The following DDR2 variants were observed in gnomAD, a reference collection of about 807,000 sequenced individuals.
The protein encoded by DDR2 is discoidin domain receptor tyrosine kinase 2.
In DDR2, 27 loss-of-function variants were observed where a neutral mutation model predicts 94.9. That is an observed-to-expected ratio of 0.28 (90% confidence interval 0.21 to 0.39). The LOEUF (loss-of-function observed/expected upper bound fraction) is 0.39, where lower values mean the gene tolerates loss of function less well. Ranked by LOEUF, DDR2 falls within the 10% of genes least tolerant of loss-of-function variation. DDR2 has a pLI of 1.00. For missense variants in DDR2, 783 were observed against 1,076.0 expected, an observed-to-expected ratio of 0.73 and a Z score of 3.81; for synonymous variants, 382 against 377.2, an observed-to-expected ratio of 1.01 and a Z score of -0.15.
chr1:162,650,901 G>A (rs948095849), intron 1 of DDR2, among the ~76,000 whole-genome samples: 2 of 152,044 alleles, frequency 1.3e-5, no homozygotes, highest in Non-Finnish European at 2.9e-5. Flanking sequence ...GCTAATTTTT[G>A]TATTTTTAGT....
rs1647924737 is a variant in DDR2, at chr1:162,781,891, C to A, written c.*1645C>A. 1 of 152,356 alleles carries A rather than the reference C, an allele frequency of 6.6e-6. No homozygotes were observed. Among genetic ancestry groups the A allele is most frequent in the Non-Finnish European group, 1.5e-5 (1 of 68,034 alleles). 9.4% of individuals were successfully genotyped at this position (152,356 alleles called of 1,614,324 possible). A position where few individuals can be genotyped will look rare whatever the true frequency, so the allele number is the denominator to read the frequency against. Reference sequence around the variant, plus strand: ...TAGCCTTGACCCCTTGGGTCTGCCTCTGTTGCCCTCACCAGTTTACCTTCT... The same window carrying A: ...TAGCCTTGACCCCTTGGGTCTGCCTATGTTGCCCTCACCAGTTTACCTTCT... On this transcript the variant is annotated 3_prime_UTR_variant, in exon 18 of 18. Coordinates refer to ENST00000367921, the MANE Select transcript of DDR2 (RefSeq NM_006182.4).
At chr1:162,705,553 C>T (rs868840369) in intron 2 of DDR2, among the ~76,000 whole-genome samples, 1 of 152,188 alleles carries the variant, frequency 6.6e-6, no homozygotes, top group Admixed American at 6.5e-5. Context: ...TGTTGTGGTA[C>T]ACCCGCTGGA....
intron 3 of DDR2, among the ~76,000 whole-genome samples, chr1:162,733,481 C>T (rs1662155733): frequency 6.6e-6 from 1 of 152,128 alleles, no homozygotes; most frequent in Non-Finnish European, 1.5e-5. Context: ...TTCTCTAAGG[C>T]CCTTGGGCAT....
rs1369259198 is a variant in DDR2, at chr1:162,662,099, G to A, written c.-28+6725G>A. Reference sequence around the variant, plus strand: ...CTCCTGGAATTCCCTAAGATGCAGAGCTGATTAGCTTAGCTGGTCAGAATG... The same window carrying A: ...CTCCTGGAATTCCCTAAGATGCAGAACTGATTAGCTTAGCTGGTCAGAATG... On this transcript the variant is annotated intron_variant, in intron 2 of 17. Coordinates refer to ENST00000367921, the MANE Select transcript of DDR2 (RefSeq NM_006182.4). Among the ~76,000 whole-genome samples the A allele has an allele frequency of 3.9e-5, 6 of 152,298 alleles. No individual in the cohort carries two copies. The South Asian group carries it at 6.2e-4, about 16-fold the overall frequency.
chr1:162,756,813 C>T (rs187371602), intron 7 of DDR2, among the ~76,000 whole-genome samples: 9 of 152,134 alleles, frequency 5.9e-5, no homozygotes, highest in East Asian at 1.9e-4. Context: ...TTTGCTTAAA[C>T]GGTCTTGGCA....
chr1:162,777,836 G>A (rs1647668183), intron 16 of DDR2: 1 of 152,476 alleles, frequency 6.6e-6, no homozygotes, highest in Non-Finnish European at 1.5e-5. Context: ...TCCTCACTAA[G>A]TCTGGCATTA....
intron 1 of DDR2, among the ~76,000 whole-genome samples, chr1:162,639,435 T>G (rs1214033705): frequency 2.0e-5 from 3 of 152,188 alleles, no homozygotes; most frequent in Non-Finnish European, 4.4e-5. Flanking sequence ...GACATCCACA[T>G]GCAAAAATAA....
intron 1 of DDR2, among the ~76,000 whole-genome samples, chr1:162,638,925 G>A (rs1442849949): frequency 6.6e-6 from 1 of 151,776 alleles, no homozygotes; most frequent in African/African-American, 2.4e-5. Context: ...CTAGCAAGTT[G>A]TTTTGTGGAT....
At chr1:162,726,570 T>C (rs1231562089) in intron 3 of DDR2, among the ~76,000 whole-genome samples, 2 of 152,206 alleles carry the variant, frequency 1.3e-5, no homozygotes, top group Non-Finnish European at 2.9e-5. Flanking sequence ...CCACTTTTTT[T>C]CTGTTGTCAG....
At chr1:162,728,093 C>A (rs576687729) in intron 3 of DDR2, among the ~76,000 whole-genome samples, 1 of 133,750 alleles carries the variant, frequency 7.5e-6, no homozygotes, top group South Asian at 2.4e-4. Context: ...TAGATATAAT[C>A]ACACTATATA....
At chr1:162,732,472 C>A (rs1662100929) in intron 3 of DDR2, among the ~76,000 whole-genome samples, 1 of 152,166 alleles carries the variant, frequency 6.6e-6, no homozygotes, top group Non-Finnish European at 1.5e-5. Flanking sequence ...GAATTTCAGT[C>A]CTGGTTACCC....
At chr1:162,708,838 T>C (rs1660769128) in intron 2 of DDR2, among the ~76,000 whole-genome samples, 1 of 152,196 alleles carries the variant, frequency 6.6e-6, no homozygotes, top group South Asian at 2.1e-4. Flanking sequence ...TACTGAGTAC[T>C]TACTATATAG....
intron 5 of DDR2, 33 bp from the exon 6 acceptor site, chr1:162,755,123 C>T (rs1663395822): frequency 3.1e-6 from 5 of 1,613,564 alleles, no homozygotes; most frequent in Non-Finnish European, 4.2e-6. Context: ...GATTTAATAC[C>T]ACCTCTTCAC....
Position 162,783,354 on chromosome 1 carries a change from A to T in DDR2, c.*3108A>T, listed in dbSNP as rs1368055863. On this transcript the variant is annotated 3_prime_UTR_variant, in exon 18 of 18. Transcript: ENST00000367921. ...TTGTGGAAAGATCACTTGCAAGTAT[A>T]TAAGACTGTATAAAGAAGAGGACTG... 6.6e-6 allele frequency: 1 copy of T among 152,218 alleles called. No individual in the cohort carries two copies. The highest frequency in any genetic ancestry group is 1.9e-4 in the East Asian group (1 of 5,198). 9.4% of individuals were successfully genotyped at this position (152,218 alleles called of 1,614,324 possible).
intron 1 of DDR2, among the ~76,000 whole-genome samples, chr1:162,649,640 G>T (rs536105339): frequency 2.0e-5 from 3 of 152,362 alleles, no homozygotes; most frequent in African/African-American, 7.2e-5. Context: ...AGAGAGAGTA[G>T]AGCGGACAGT....
At chr1:162,697,024 C>T (rs908699487) in intron 2 of DDR2, among the ~76,000 whole-genome samples, 2 of 151,976 alleles carry the variant, frequency 1.3e-5, no homozygotes, top group African/African-American at 2.4e-5. Context: ...TGCTGAATTC[C>T]CCATTCTCAT....
rs1159978424 is a variant in DDR2 at position 162,781,550 on chromosome 1, C to G, written c.*1304C>G. ...ACACAAAGTGGATGGTGGTATGAGA[C>G]AATGTTTAATGTCCTTCTAACTCCG... On this transcript the variant is annotated 3_prime_UTR_variant, in exon 18 of 18. Coordinates refer to ENST00000367921, the MANE Select transcript of DDR2 (RefSeq NM_006182.4). 1.3e-5 allele frequency: 2 copies of G among 152,236 alleles called. No homozygotes were observed. Among genetic ancestry groups the G allele is most frequent in the African/African-American group, 4.8e-5 (2 of 41,440 alleles). 9.4% of individuals were successfully genotyped at this position (152,236 alleles called of 1,614,324 possible).
rs1395908440 is a variant in DDR2 at position 162,786,976 on chromosome 1, C to A, written c.*6730C>A. The A allele has an allele frequency of 6.6e-6, 1 of 151,894 alleles. No individual in the cohort carries two copies. Among genetic ancestry groups the A allele is most frequent in the East Asian group, 1.9e-4 (1 of 5,164 alleles). The allele number at this position is 151,894 out of a possible 1,614,324, so 9.4% of individuals were successfully genotyped here. The stretch of plus-strand genomic sequence containing the variant: ...CTGTCTCAGACTACCTGCACATGCA[C>A]AAACCAAAAAAAACTATGAAAACCA... On this transcript the variant is annotated 3_prime_UTR_variant, in exon 18 of 18. Coordinates refer to ENST00000367921, the MANE Select transcript of DDR2 (RefSeq NM_006182.4).
At chr1:162,678,175 C>A (rs1659227410) in intron 2 of DDR2, among the ~76,000 whole-genome samples, 1 of 152,172 alleles carries the variant, frequency 6.6e-6, no homozygotes. Context: ...TACTAGTTAC[C>A]TATTGGTAGT....
Sources: allele counts gnomAD v4.1 joint callset (sites outside exome capture counted in the v4.1 genomes callset), GRCh38; gene constraint gnomAD v4.1.1; transcripts MANE v1.5; gene names NCBI Gene and HGNC (gene_info 2026-07-23, HGNC 2026-07-21).